The following PTPRA variants were observed in gnomAD, a reference collection of about 807,000 sequenced individuals.
PTPRA encodes receptor-type tyrosine-protein phosphatase alpha.
A neutral mutation model predicts 104.8 loss-of-function variants in PTPRA; 25 were observed. That is an observed-to-expected ratio of 0.24 (90% CI 0.17 to 0.33). The LOEUF (loss-of-function observed/expected upper bound fraction) is 0.33. Among genes scored for constraint, PTPRA ranks in the 10% least tolerant of loss-of-function variants. PTPRA has a pLI of 1.00. For synonymous variants in PTPRA, 323 were observed against 368.9 expected (o/e 0.88, Z 1.43); for missense variants, 765 against 1,015.3 (o/e 0.75, Z 3.35).
rs2065215030 is a variant in PTPRA, at chr20:3,027,698, C to T, written c.1786-9C>T. ...CATCTCACCCTTGCAATTAACCTGG[C>T]CTGTGCAGGGCTACCGGCAGAAGGA... On this transcript the variant is annotated splice_polypyrimidine_tract_variant and intron_variant, in intron 19 of 23. Coordinates refer to ENST00000399903, the MANE Select transcript of PTPRA (RefSeq NM_001385305.1). 1.9e-6 allele frequency: 3 copies of T among 1,613,156 alleles called. No individual in the cohort carries two copies. Among genetic ancestry groups the T allele is most frequent in the Non-Finnish European group, 2.5e-6 (3 of 1,179,626 alleles).
chr20:2,912,496 C>T (rs571337155), intron 1 of PTPRA, among the ~76,000 whole-genome samples: 31 of 152,180 alleles, frequency 2.0e-4, no homozygotes, highest in African/African-American at 6.5e-4. Context: ...TGGTGGCTCA[C>T]GCCCGTAGTC....
At chr20:2,975,761 G>A (rs1292087089) in intron 6 of PTPRA, among the ~76,000 whole-genome samples, 1 of 152,118 alleles carries the variant, frequency 6.6e-6, no homozygotes, top group Admixed American at 6.5e-5. Context: ...GAGAGTAGGG[G>A]GACATGGGTA....
intron 1 of PTPRA, among the ~76,000 whole-genome samples, chr20:2,908,561 T>C (rs2059510742): frequency 6.6e-6 from 1 of 152,072 alleles, no homozygotes; most frequent in Non-Finnish European, 1.5e-5. Context: ...CTATCTTGTC[T>C]TGATAAAATA....
At chr20:2,998,198 G>C (rs202046951) in intron 9 of PTPRA, among the ~76,000 whole-genome samples, 6 of 148,604 alleles carry the variant, frequency 4.0e-5, no homozygotes, top group African/African-American at 1.5e-4. Flanking sequence ...AAAAAAAAAG[G>C]CTTAGCTCCT....
In PTPRA at chr20:3,032,630, A is replaced by G. The variant is rs549273405; in HGVS notation, c.1921-2955A>G. On this transcript the variant is annotated intron_variant, in intron 20 of 23. Transcript: ENST00000399903. ...AAAATACAAAAATTAGCTGGGCGCG[A>G]TGGTGCATGCCTGTGATCCCAGCTA... Among the ~76,000 whole-genome samples the G allele has an allele frequency of 2.8e-3, 431 of 151,686 alleles. 9 individuals carry two copies. The highest frequency in any genetic ancestry group is 2.2e-3 in the Non-Finnish European group (152 of 67,850).
intron 20 of PTPRA, 107 bp downstream of exon 20, chr20:3,027,948 A>G (rs2065226334): frequency 6.9e-7 from 1 of 1,458,872 alleles, no homozygotes; most frequent in African/African-American, 1.4e-5. Context: ...CTTGTCTTTG[A>G]CTTATACGGT....
intron 1 of PTPRA, among the ~76,000 whole-genome samples, chr20:2,887,704 A>G (rs373460339): frequency 6.6e-6 from 1 of 152,232 alleles, no homozygotes; most frequent in Non-Finnish European, 1.5e-5. Flanking sequence ...GCTTATTACA[A>G]TATTGTAAAT....
Position 3,026,679 on chromosome 20 carries a change from C to G in PTPRA, c.1615-8C>G, listed in dbSNP as rs1325761762. 6.3e-7 allele frequency: 1 copy of G among 1,599,634 alleles called. No homozygotes were observed. The highest frequency in any genetic ancestry group is 1.7e-5 in the Admixed American group (1 of 59,982). On this transcript the variant is annotated splice_polypyrimidine_tract_variant and splice_region_variant and intron_variant, in intron 17 of 23. Transcript: ENST00000399903. Reference sequence around the variant, plus strand: ...TCAGTAATGTTTCCCCTCCCCTTCCCAATTCAGAAGTTAACATCAATCAAA... The same window carrying G: ...TCAGTAATGTTTCCCCTCCCCTTCCGAATTCAGAAGTTAACATCAATCAAA...
chr20:2,867,930 G>A, the PTPRA span, among the ~76,000 whole-genome samples: 14 of 152,316 alleles, frequency 9.2e-5, 1 homozygote, highest in African/African-American at 2.4e-4. Context: ...TATCATGCTC[G>A]CCATTCATTA....
At chr20:2,878,950 G>C (rs1410111834) in intron 1 of PTPRA, among the ~76,000 whole-genome samples, 1 of 152,214 alleles carries the variant, frequency 6.6e-6, no homozygotes, top group Non-Finnish European at 1.5e-5. Flanking sequence ...AAATATTGTG[G>C]AAGTTTAGAA....
chr20:2,930,713 C>T (rs890344888), intron 2 of PTPRA, among the ~76,000 whole-genome samples: 1 of 152,102 alleles, frequency 6.6e-6, no homozygotes, highest in African/African-American at 2.4e-5. Flanking sequence ...TATAAGGACA[C>T]CAGTCATATT....
intron 12 of PTPRA, among the ~76,000 whole-genome samples, chr20:3,016,916 G>A (rs2148388284): frequency 6.6e-6 from 1 of 152,220 alleles, no homozygotes; most frequent in Non-Finnish European, 1.5e-5. Flanking sequence ...AGACAGACGT[G>A]TACCCACATA....
intron 11 of PTPRA, among the ~76,000 whole-genome samples, chr20:3,015,521 C>T (rs903627781): frequency 2.0e-4 from 31 of 152,012 alleles, no homozygotes; most frequent in Admixed American, 1.6e-3. Flanking sequence ...TGGCCCCATG[C>T]TCTCACACTC....
At position 3,034,806 on chromosome 20, in the gene PTPRA, G is replaced by T. The variant is rs2065717515; in HGVS notation, c.1921-779G>T. On this transcript the variant is annotated intron_variant, in intron 20 of 23. Coordinates refer to ENST00000399903, the MANE Select transcript of PTPRA (RefSeq NM_001385305.1). ...GAATTTTTCAATTGCCAGTAGTGAA[G>T]AATCTCAGATCTTACCCCCAAATTC... Among the ~76,000 whole-genome samples, 3 of 152,098 alleles carry T rather than the reference G, an allele frequency of 2.0e-5. No homozygotes were observed. The South Asian group carries it at 6.2e-4, about 32-fold the overall frequency.
chr20:2,923,485 CT>C (rs1161122006), intron 2 of PTPRA, among the ~76,000 whole-genome samples, 200 bp downstream of exon 2: 17 of 146,662 alleles, frequency 1.2e-4, no homozygotes, highest in South Asian at 4.3e-4. Flanking sequence ...ACTTGAAGAG[CT>C]TTTTTTTTTT....
intron 5 of PTPRA, among the ~76,000 whole-genome samples, chr20:2,974,932 T>G (rs1039395842): frequency 2.0e-5 from 3 of 152,226 alleles, no homozygotes; most frequent in Admixed American, 2.0e-4. Context: ...CCTCTTGAAT[T>G]TTAATGGAGC....
intron 9 of PTPRA, among the ~76,000 whole-genome samples, chr20:2,996,680 C>T (rs1568687096): frequency 1.3e-5 from 2 of 151,910 alleles, no homozygotes; most frequent in African/African-American, 4.8e-5. Flanking sequence ...TGGCAATTTA[C>T]AGAAGAAATA....
rs149331893 is a variant in PTPRA at position 2,950,665 on chromosome 20, T to C, written c.-7+2641T>C. Reference sequence around the variant, plus strand: ...CTCAAAAAAAAAAAAAATTTACTTGTGTCTTCTCTTTTTACCTGTTTGTTA... The same window carrying C: ...CTCAAAAAAAAAAAAAATTTACTTGCGTCTTCTCTTTTTACCTGTTTGTTA... On this transcript the variant is annotated intron_variant, in intron 3 of 23. Coordinates refer to ENST00000399903, the MANE Select transcript of PTPRA (RefSeq NM_001385305.1). The surrounding 1 kb of genome is among the most constrained non-coding windows in gnomAD (Gnocchi z 4.0). Among the ~76,000 whole-genome samples, 505 of 152,118 alleles carry C rather than the reference T, an allele frequency of 3.3e-3. 4 individuals are homozygous for C. The highest frequency in any genetic ancestry group is 0.011 in the African/African-American group (475 of 41,516).
chr20:2,880,530 A>G (rs2089987907), intron 1 of PTPRA, among the ~76,000 whole-genome samples: 1 of 152,214 alleles, frequency 6.6e-6, no homozygotes, highest in Non-Finnish European at 1.5e-5. Context: ...CCAGTGATCA[A>G]AGAAAATACT....
Sources: allele counts gnomAD v4.1 joint callset (sites outside exome capture counted in the v4.1 genomes callset), GRCh38; gene constraint gnomAD v4.1.1; non-coding constraint Gnocchi (gnomAD v3.1); transcripts MANE v1.5; gene names NCBI Gene and HGNC (gene_info 2026-07-23, HGNC 2026-07-21).